The following ERC2 variants were observed in gnomAD, a reference collection of about 807,000 sequenced individuals.
ERC2 encodes ERC protein 2.
A neutral mutation model predicts 114.8 loss-of-function variants in ERC2; 42 were observed. That is an observed-to-expected ratio of 0.37 (90% CI 0.29 to 0.47). The LOEUF (loss-of-function observed/expected upper bound fraction) is 0.47, where lower values mean the gene tolerates loss of function less well. ERC2 is among the 20% of genes least tolerant of loss of function. ERC2 has a pLI of 0.99. For missense variants in ERC2, 939 were observed against 1,150.7 expected, an observed-to-expected ratio of 0.82 and a Z score of 2.66; for synonymous variants, 454 against 425.5, an observed-to-expected ratio of 1.07 and a Z score of -0.82.
At position 55,979,776 on chromosome 3, in the gene ERC2, CA is replaced by C. The variant is rs763879098; in HGVS notation, c.2267+6200del. ...GCAACATAGTGAGACCCCACCTCTGCAAAAAAAAAAAAAAATTCAATTAGCT... is the reference window on the plus strand; with the variant it reads ...GCAACATAGTGAGACCCCACCTCTGCAAAAAAAAAAAAAATTCAATTAGCT... On this transcript the variant is annotated intron_variant, in intron 12 of 17. Coordinates refer to ENST00000288221, the MANE Select transcript of ERC2 (RefSeq NM_015576.3). 5.4e-3 allele frequency among the ~76,000 whole-genome samples: 671 copies of C among 123,910 alleles called. 3 individuals are homozygous for C. Among genetic ancestry groups the C allele is most frequent in the African/African-American group, 0.012 (386 of 33,436 alleles). 81.3% of individuals were successfully genotyped at this position (123,910 alleles called of 152,430 possible).
chr3:56,273,605 ATTT>A (rs60099685), intron 3 of ERC2, among the ~76,000 whole-genome samples: 54,567 of 151,112 alleles, frequency 0.36, 10,492 homozygotes, highest in Middle Eastern at 0.45. Context: ...AACAAACTGT[ATTT>A]TTTTTCTTAT....
At chr3:56,357,609 T>C (rs947569621) in intron 2 of ERC2, among the ~76,000 whole-genome samples, 3 of 151,854 alleles carry the variant, frequency 2.0e-5, no homozygotes, top group Non-Finnish European at 4.4e-5. Context: ...CTCTGGCTTC[T>C]GACGTGGGTC....
chr3:55,685,511 T>C (rs1173595553), intron 16 of ERC2, among the ~76,000 whole-genome samples: 1 of 152,222 alleles, frequency 6.6e-6, no homozygotes. Flanking sequence ...TCTCTGTCCC[T>C]GGAGAAAAGA....
At chr3:56,141,247 C>T (rs75181036) in intron 5 of ERC2, among the ~76,000 whole-genome samples, 268 of 152,272 alleles carry the variant, frequency 1.8e-3, no homozygotes, top group Non-Finnish European at 3.2e-3. Context: ...TGTCGCTCCT[C>T]ACAACTAGAG....
At chr3:55,974,258 G>A (rs1238380255) in intron 12 of ERC2, among the ~76,000 whole-genome samples, 1 of 152,192 alleles carries the variant, frequency 6.6e-6, no homozygotes, top group Admixed American at 6.5e-5. Flanking sequence ...TCCACAGTGT[G>A]ATTACTAGCC....
At chr3:56,360,627 G>A (rs973405996) in intron 2 of ERC2, among the ~76,000 whole-genome samples, 14 of 152,166 alleles carry the variant, frequency 9.2e-5, no homozygotes, top group Middle Eastern at 3.2e-3. Context: ...CAACCAGAAG[G>A]CCAGCCACAG....
chr3:55,529,270 C>T (rs1045819071), intron 17 of ERC2, among the ~76,000 whole-genome samples: 5 of 152,124 alleles, frequency 3.3e-5, no homozygotes, highest in Non-Finnish European at 1.5e-5. Context: ...CATTCTGAAC[C>T]CAAGACATCC....
intron 17 of ERC2, among the ~76,000 whole-genome samples, chr3:55,581,461 G>A (rs2057257360): frequency 6.6e-6 from 1 of 152,144 alleles, no homozygotes; most frequent in Non-Finnish European, 1.5e-5. Flanking sequence ...CAGAGGTGAG[G>A]TCTTTAGATG....
chr3:56,123,725 C>A (rs922131304), intron 6 of ERC2, among the ~76,000 whole-genome samples: 3 of 152,180 alleles, frequency 2.0e-5, no homozygotes, highest in Non-Finnish European at 4.4e-5. Context: ...AGACCATCCA[C>A]CCCTTTGCTT....
intron 15 of ERC2, among the ~76,000 whole-genome samples, chr3:55,713,815 G>C (rs1372745210): frequency 6.6e-6 from 1 of 152,070 alleles, no homozygotes; most frequent in Non-Finnish European, 1.5e-5. Context: ...CATCCATCCA[G>C]TCCTTATTTC....
chr3:55,742,787 T>C (rs1239883724), intron 14 of ERC2, among the ~76,000 whole-genome samples: 1 of 152,208 alleles, frequency 6.6e-6, no homozygotes, highest in African/African-American at 2.4e-5. Context: ...TGGAGATAGA[T>C]GTTCATTTGC....
At position 56,406,112 on chromosome 3, in the gene ERC2, T is replaced by C. The variant is rs529900484; in HGVS notation, c.657+28239A>G. Among the ~76,000 whole-genome samples, 4 of 143,430 alleles carry C rather than the reference T, an allele frequency of 2.8e-5. No homozygotes were observed. In the South Asian group the frequency reaches 8.8e-4, roughly 32 times the overall value. 94.1% of individuals were successfully genotyped at this position (143,430 alleles called of 152,430 possible). On this transcript the variant is annotated intron_variant, in intron 2 of 17. Transcript: ENST00000288221. ...TGTGCCATGTCGGCCAGGCTTGTCGTGAACTCCTGGCCTCAAGTGATCTGC... is the reference window on the plus strand; with the variant it reads ...TGTGCCATGTCGGCCAGGCTTGTCGCGAACTCCTGGCCTCAAGTGATCTGC...
intron 17 of ERC2, among the ~76,000 whole-genome samples, chr3:55,656,147 AT>A (rs944723817): frequency 5.4e-5 from 8 of 148,044 alleles, no homozygotes; most frequent in African/African-American, 1.7e-4. Flanking sequence ...GATTTAAAGA[AT>A]TTTTTTTAGA....
At chr3:56,370,838 C>A (rs552129067) in intron 2 of ERC2, among the ~76,000 whole-genome samples, 1 of 152,284 alleles carries the variant, frequency 6.6e-6, no homozygotes, top group East Asian at 1.9e-4. Context: ...AGGTGATCTG[C>A]CTGCCTTGGC....
At chr3:56,397,749 AATAG>A (rs1242596225) in intron 2 of ERC2, among the ~76,000 whole-genome samples, 4 of 151,980 alleles carry the variant, frequency 2.6e-5, no homozygotes, top group African/African-American at 9.7e-5. Flanking sequence ...AATCTGTGGA[AATAG>A]ATAGTACTTT....
At chr3:55,827,511 C>T (rs1030020251) in intron 14 of ERC2, among the ~76,000 whole-genome samples, 1 of 152,064 alleles carries the variant, frequency 6.6e-6, no homozygotes, top group South Asian at 2.1e-4. Flanking sequence ...CCCTACCTTG[C>T]TTCTACAAAT....
At chr3:55,789,022 G>A (rs2069754826) in intron 14 of ERC2, among the ~76,000 whole-genome samples, 1 of 152,080 alleles carries the variant, frequency 6.6e-6, no homozygotes, top group African/African-American at 2.4e-5. Flanking sequence ...AGACTTTATG[G>A]GATCAAATGT....
intron 12 of ERC2, among the ~76,000 whole-genome samples, chr3:55,967,592 T>G (rs867742070): frequency 6.6e-6 from 1 of 152,208 alleles, no homozygotes; most frequent in East Asian, 1.9e-4. Flanking sequence ...AAAACCCTTA[T>G]GAAATCAACA....
intron 1 of ERC2, among the ~76,000 whole-genome samples, chr3:56,458,016 C>T (rs867486315): frequency 6.6e-6 from 1 of 152,180 alleles, no homozygotes; most frequent in Non-Finnish European, 1.5e-5. Flanking sequence ...AAATTACCTG[C>T]TCTATTATGG....
Sources: gnomAD v4.1 joint callset for allele counts (sites outside exome capture counted in the v4.1 genomes callset) on GRCh38, gnomAD v4.1.1 for gene constraint, MANE v1.5 for transcripts, NCBI Gene and HGNC (gene_info 2026-07-23, HGNC 2026-07-21) for gene names.